The following AMPD1 variants were observed in gnomAD, a reference collection of about 807,000 sequenced individuals.
The protein encoded by AMPD1 is AMP deaminase 1.
A neutral mutation model predicts 82.9 loss-of-function variants in AMPD1; 74 were observed. That is an observed-to-expected ratio of 0.89 (90% CI 0.74 to 1.08). The LOEUF (loss-of-function observed/expected upper bound fraction) is 1.08, where lower values mean the gene tolerates loss of function less well. Among genes scored for constraint, AMPD1 ranks in the 50% least tolerant of loss-of-function variants. The pLI is 0.00. For synonymous variants in AMPD1, 333 were observed against 320.5 expected (o/e 1.04, Z -0.42); for missense variants, 881 against 924.5 (o/e 0.95, Z 0.61).
At chr1:114,693,163 A>AGT (rs780131630) in intron 2 of AMPD1, among the ~76,000 whole-genome samples, 9,051 of 148,256 alleles carry the variant, frequency 0.061, 342 homozygotes, top group Non-Finnish European at 0.076. Flanking sequence ...TAAATAAATA[A>AGT]ATAAGTAAAA....
At chr1:114,686,621 A>G in intron 4 of AMPD1, 124 bp downstream of exon 4, 2 of 951,232 alleles carry the variant, frequency 2.1e-6, no homozygotes, top group Admixed American at 3.9e-5. Context: ...GCAATAATGA[A>G]GTGTAACAAA....
intron 2 of AMPD1, among the ~76,000 whole-genome samples, chr1:114,690,997 C>T (rs973116864): frequency 6.6e-6 from 1 of 152,160 alleles, no homozygotes; most frequent in African/African-American, 2.4e-5. Flanking sequence ...CTGGCTCTTC[C>T]AGAACAAGCA....
chr1:114,676,031 G>T, intron 10 of AMPD1, 28 bp from the exon 11 acceptor site: 3 of 1,612,274 alleles, frequency 1.9e-6, no homozygotes, highest in South Asian at 2.2e-5. Flanking sequence ...GAGAATTTAG[G>T]AGAAAAAAAG....
chr1:114,688,219 C>A (rs1390389674), intron 3 of AMPD1, among the ~76,000 whole-genome samples: 10 of 152,118 alleles, frequency 6.6e-5, no homozygotes, highest in Admixed American at 5.9e-4. Context: ...CCTCCACCTC[C>A]CAGGTTCAAG....
chr1:114,682,246 T>C (rs1003171750), intron 5 of AMPD1, among the ~76,000 whole-genome samples: 7 of 152,176 alleles, frequency 4.6e-5, no homozygotes, highest in African/African-American at 1.7e-4. Flanking sequence ...AGTCTGCACA[T>C]TTCCTATTCA....
intron 15 of AMPD1, 102 bp from the exon 16 acceptor site, chr1:114,673,374 G>A: frequency 7.6e-7 from 1 of 1,319,110 alleles, no homozygotes; most frequent in Non-Finnish European, 1.1e-6. Context: ...GTTAGCCACT[G>A]ACAAAAGAAT....
chr1:114,686,344 AG>A (rs1658317482), intron 4 of AMPD1, among the ~76,000 whole-genome samples: 1 of 151,712 alleles, frequency 6.6e-6, no homozygotes, highest in South Asian at 2.1e-4. Flanking sequence ...TCACTATCCT[AG>A]GTCTGCTTGG....
chr1:114,681,105 G>A (rs983094665), intron 5 of AMPD1, among the ~76,000 whole-genome samples: 3 of 152,062 alleles, frequency 2.0e-5, no homozygotes, highest in African/African-American at 7.2e-5. Flanking sequence ...TGTCATCAAA[G>A]GCTTTCTGTT....
Position 114,673,106 on chromosome 1 carries a change from A to AC in AMPD1, c.*7dup. On this transcript the variant is annotated 3_prime_UTR_variant, in exon 16 of 16. Coordinates refer to ENST00000520113, the MANE Select transcript of AMPD1 (RefSeq NM_000036.3). The stretch of plus-strand genomic sequence containing the variant: ...TCTCACTCATATTATTATTTGGTTT[A>AC]CTTTTTTTTATTCTGTTGATTTAAG... The AC allele has an allele frequency of 6.2e-7, 1 of 1,609,364 alleles. No individual in the cohort carries two copies. Among genetic ancestry groups the AC allele is most frequent in the Non-Finnish European group, 8.5e-7 (1 of 1,175,894 alleles).
chr1:114,676,691 T>TA (rs750646292), intron 10 of AMPD1, among the ~76,000 whole-genome samples: 2 of 152,186 alleles, frequency 1.3e-5, no homozygotes, highest in African/African-American at 4.8e-5. Context: ...GTCAAAAAAT[T>TA]ACTTTTTTTG....
chr1:114,690,159 A>C (rs1658469994), intron 2 of AMPD1, among the ~76,000 whole-genome samples: 1 of 152,164 alleles, frequency 6.6e-6, no homozygotes, highest in Admixed American at 6.5e-5. Flanking sequence ...TCATGTGTTC[A>C]AGCTCCCTGC....
intron 2 of AMPD1, among the ~76,000 whole-genome samples, chr1:114,691,626 T>G (rs1320335304): frequency 6.6e-6 from 1 of 150,998 alleles, no homozygotes; most frequent in Non-Finnish European, 1.5e-5. Context: ...AACTTATATT[T>G]CAAAAGATAA....
chr1:114,692,378 T>C (rs932051216), intron 2 of AMPD1, among the ~76,000 whole-genome samples: 1 of 152,188 alleles, frequency 6.6e-6, no homozygotes, highest in Non-Finnish European at 1.5e-5. Context: ...ACCAAAGTTA[T>C]AGTTTTATCT....
chr1:114,678,209 G>A (rs1192289973), intron 8 of AMPD1, 124 bp downstream of exon 8: 55 of 1,462,054 alleles, frequency 3.8e-5, no homozygotes, highest in Non-Finnish European at 5.2e-5. Context: ...ATTGTCTGTG[G>A]TGCTTTCAGG....
At chr1:114,679,154 C>A (rs1398575444) in intron 7 of AMPD1, among the ~76,000 whole-genome samples, 1 of 152,132 alleles carries the variant, frequency 6.6e-6, no homozygotes, top group Non-Finnish European at 1.5e-5. Flanking sequence ...ATTCACAATC[C>A]TCACGTGAAC....
intron 7 of AMPD1, among the ~76,000 whole-genome samples, chr1:114,679,113 A>G (rs1658080847): frequency 6.6e-6 from 1 of 152,138 alleles, no homozygotes; most frequent in Admixed American, 6.5e-5. Flanking sequence ...AGTTTATTGG[A>G]TTTCACAATC....
At chr1:114,677,539 A>G (rs766996061) in intron 9 of AMPD1, 25 bp from the exon 10 acceptor site, 1 of 1,613,662 alleles carries the variant, frequency 6.2e-7, no homozygotes, top group East Asian at 2.2e-5. Context: ...GAGAAGTCCA[A>G]GCCAGGGATT....
In AMPD1 at chr1:114,674,846, A is replaced by T. The variant is rs751714477; in HGVS notation, c.1706T>A (p.Phe569Tyr). The change falls in exon 13 of 16, where the codon TTC becomes TAC. Residue 569 changes from phenylalanine to tyrosine, a missense_variant. Phe to Tyr is a conservative substitution (Grantham distance 22). Coordinates refer to ENST00000520113, the MANE Select transcript of AMPD1 (RefSeq NM_000036.3). ...TCCAGCTTCTCCACAGTGAGGTCGG[A>T]ACAGAAACGTATTCATGCCTCGTTC... is the stretch of plus-strand genomic sequence containing the variant. Reference protein sequence around the residue: ...RKERGMNTFLFRPHCGEAGAL... With the variant: ...RKERGMNTFLYRPHCGEAGAL... The T allele has an allele frequency of 2.5e-6, 4 of 1,614,138 alleles. No individual in the cohort carries two copies. Among genetic ancestry groups the T allele is most frequent in the Non-Finnish European group, 3.4e-6 (4 of 1,179,994 alleles).
chr1:114,680,525 G>A (rs371006860), intron 5 of AMPD1, 47 bp from the exon 6 acceptor site: 33 of 1,547,814 alleles, frequency 2.1e-5, no homozygotes, highest in Non-Finnish European at 2.9e-5. Flanking sequence ...TAGGATGAAC[G>A]ACCACATAAA....
Sources: allele counts gnomAD v4.1 joint callset (sites outside exome capture counted in the v4.1 genomes callset), GRCh38; gene constraint gnomAD v4.1.1; transcripts MANE v1.5; gene names NCBI Gene and HGNC (gene_info 2026-07-23, HGNC 2026-07-21).